FTCD: variants seen among roughly 807,000 people sequenced by gnomAD.
The protein encoded by FTCD is formimidoyltransferase cyclodeaminase, also known as formimidoyltransferase-cyclodeaminase.
A neutral mutation model predicts 62.9 loss-of-function variants in FTCD; 76 were observed. The observed-to-expected ratio is 1.21, with a 90% CI of 1.00 to 1.46. FTCD has a LOEUF of 1.46. FTCD is among the 40% of genes most tolerant of loss of function. The pLI is 0.00. For missense variants in FTCD, 845 were observed against 751.3 expected (o/e 1.12, Z -1.46); for synonymous variants, 397 against 336.9 (o/e 1.18, Z -1.95).
At chr21:46,136,714 C>A (rs543045448), downstream of FTCD, 540 of 1,475,086 alleles carry the variant, frequency 3.7e-4, no homozygotes, top group Admixed American at 5.6e-4. Flanking sequence ...ATGTCCTGCT[C>A]CTGCCCCAAG....
In FTCD at chr21:46,140,319, C is replaced by T. The variant is rs534919993; in HGVS notation, c.1261-1396G>A. Among the ~76,000 whole-genome samples the T allele has an allele frequency of 9.4e-5, 14 of 148,534 alleles. No individual in the cohort carries two copies. In the South Asian group the frequency reaches 1.3e-3, roughly 14 times the overall value. On this transcript the variant is annotated intron_variant, in intron 10 of 13. Transcript: ENST00000397746. ...AAATCAACCCAGCCCTCCCCGTCCACCTTCGCATTGCTCAGAGGGAGTGTA... is the reference window on the plus strand; with the variant it reads ...AAATCAACCCAGCCCTCCCCGTCCATCTTCGCATTGCTCAGAGGGAGTGTA...
chr21:46,154,605 CGACA>C (rs1204461920), intron 1 of FTCD, among the ~76,000 whole-genome samples: 2 of 152,244 alleles, frequency 1.3e-5, no homozygotes, highest in East Asian at 1.9e-4. Context: ...GGCTCTGCTC[CGACA>C]GACAGATGCC....
intron 10 of FTCD, among the ~76,000 whole-genome samples, chr21:46,141,588 T>C (rs887451645): frequency 2.1e-4 from 32 of 152,052 alleles, no homozygotes; most frequent in African/African-American, 7.0e-4. Context: ...CCAAAAAATA[T>C]AAAGTCAGGA....
rs759300088 is a variant in FTCD at position 46,150,346 on chromosome 21, C to T, written c.774+42G>A. The T allele has an allele frequency of 3.0e-5, 48 of 1,607,154 alleles. 1 individual carries two copies. The Middle Eastern group carries it at 4.9e-4, about 17-fold the overall frequency. On this transcript the variant is annotated intron_variant, in intron 6 of 13. Coordinates refer to ENST00000397746, the MANE Select transcript of FTCD (RefSeq NM_206965.2). ...CCCCCGCCCTGCCCACGGGACAGAT[C>T]GGCTCGCCCCTCACAGCAGCAGCGG...
At chr21:46,150,343 G>T (rs373378495) in intron 6 of FTCD, 45 bp downstream of exon 6, 2 of 1,611,668 alleles carry the variant, frequency 1.2e-6, no homozygotes, top group Non-Finnish European at 8.5e-7. Flanking sequence ...CCACGGGACA[G>T]ATCGGCTCGC....
rs1461161886 is a variant in FTCD at position 46,150,225 on chromosome 21, G to C, written c.800C>G (p.Ser267Ter). 1 of 1,609,832 alleles carries C rather than the reference G, an allele frequency of 6.2e-7. No homozygotes were observed. Among genetic ancestry groups the C allele is most frequent in the East Asian group, 2.2e-5 (1 of 44,770 alleles). Residue 267 changes from serine to a stop codon, truncating the protein, a stop_gained, in exon 7 of 14, where the codon TCA becomes TGA. Coordinates refer to ENST00000397746, the MANE Select transcript of FTCD (RefSeq NM_206965.2). LOFTEE classifies it high-confidence loss of function. Reference sequence around the variant, plus strand: ...CAGGGGCACCAGGCCCACCAGCTGTGAGCCCACCACTGGGAGGCTCAGCTC... The same window carrying C: ...CAGGGGCACCAGGCCCACCAGCTGTCAGCCCACCACTGGGAGGCTCAGCTC... The part of the protein sequence containing the change: ...AQELSLPVVG[S>*]QLVGLVPLKA...
rs116089237 is a variant in FTCD at position 46,151,896 on chromosome 21, T to A, written c.452A>T (p.Lys151Met). 7,166 of 1,562,368 alleles carry A rather than the reference T, an allele frequency of 4.6e-3. 260 individuals are homozygous for A. The African/African-American group carries it at 0.081, about 18-fold the overall frequency. Residue 151 changes from lysine to methionine, a missense_variant, in exon 4 of 14, where the codon AAG (lysine) becomes ATG (methionine). Lys to Met is a moderately conservative substitution (Grantham distance 95). Coordinates refer to ENST00000397746, the MANE Select transcript of FTCD (RefSeq NM_206965.2). ...GACCGCCCGGGGTGGGGGCACCTTC[T>A]TAGGGAGGGCCTCGTACTCCCCGGC... ...IRAGEYEALP[K>M]KLQQADWAPD...
In FTCD at chr21:46,138,908, G is replaced by A; in HGVS notation, c.1276C>T (p.Pro426Ser). 6.2e-7 allele frequency: 1 copy of A among 1,613,234 alleles called. No individual in the cohort carries two copies. The highest frequency in any genetic ancestry group is 8.5e-7 in the Non-Finnish European group (1 of 1,179,388). ...FTAYLEAMRL[P>S]KNTPEEKDRR... ...TCCTTTTCCTCAGGTGTGTTCTTGGGGAGCCTCATTGCTTCCTGCCATAAA... is the reference window on the plus strand; with the variant it reads ...TCCTTTTCCTCAGGTGTGTTCTTGGAGAGCCTCATTGCTTCCTGCCATAAA... Residue 426 changes from proline (P) to serine (S), a missense_variant, in exon 11 of 14, where the codon CCC becomes TCC. Transcript: ENST00000397746.
chr21:46,138,960 G>A (rs780881499), intron 10 of FTCD, 37 bp from the exon 11 acceptor site: 110 of 1,556,386 alleles, frequency 7.1e-5, no homozygotes, highest in Non-Finnish European at 7.7e-5. Context: ...GCGAGGGACC[G>A]TAGGGGGAGC....
At chr21:46,143,176 C>T (rs2079058076) in intron 10 of FTCD, among the ~76,000 whole-genome samples, 1 of 152,170 alleles carries the variant, frequency 6.6e-6, no homozygotes, top group South Asian at 2.1e-4. Context: ...CCTTTCTCAC[C>T]CAGCCTTGTA....
Position 46,136,863 on chromosome 21 carries a change from GC to G in FTCD, c.*123del. ...CGCCTCCATTCCCAGGCGATGCCCC[GC>G]TGCCTGCCCACCTACCCTCCGGGCC... On this transcript the variant is annotated 3_prime_UTR_variant, in exon 14 of 14. Coordinates refer to ENST00000397746, the MANE Select transcript of FTCD (RefSeq NM_206965.2). The G allele has an allele frequency of 6.4e-7, 1 of 1,558,500 alleles. No homozygotes were observed. The highest frequency in any genetic ancestry group is 8.7e-7 in the Non-Finnish European group (1 of 1,151,756).
Position 46,151,988 on chromosome 21 carries a change from A to G in FTCD, c.368-8T>C. The G allele has an allele frequency of 6.4e-7, 1 of 1,556,716 alleles. No individual in the cohort carries two copies. The highest frequency in any genetic ancestry group is 8.7e-7 in the Non-Finnish European group (1 of 1,150,076). On this transcript the variant is annotated splice_region_variant and splice_polypyrimidine_tract_variant and intron_variant, in intron 3 of 13. Coordinates refer to ENST00000397746, the MANE Select transcript of FTCD (RefSeq NM_206965.2). ...CCTCGCCGTACAGGTAAACTGCAGGAGAGCCCGGCGGTCAGGCCTGGACCG... is the reference window on the plus strand; with the variant it reads ...CCTCGCCGTACAGGTAAACTGCAGGGGAGCCCGGCGGTCAGGCCTGGACCG...
intron 1 of FTCD, 50 bp from the exon 2 acceptor site, chr21:46,154,382 G>A: frequency 6.4e-7 from 1 of 1,571,568 alleles, no homozygotes; most frequent in South Asian, 1.2e-5. Flanking sequence ...TTTGAAAGAA[G>A]GAAAAGGAGC....
At chr21:46,141,635 G>C (rs532194302) in intron 10 of FTCD, among the ~76,000 whole-genome samples, 1 of 151,870 alleles carries the variant, frequency 6.6e-6, no homozygotes, top group South Asian at 2.1e-4. Context: ...AAGAGTCATT[G>C]TCAGAAGCCC....
chr21:46,141,803 G>A (rs1197962822), intron 10 of FTCD, among the ~76,000 whole-genome samples: 1 of 152,162 alleles, frequency 6.6e-6, no homozygotes, highest in Non-Finnish European at 1.5e-5. Context: ...ATAACTTCCT[G>A]GAAAAGAAGT....
Position 46,154,222 on chromosome 21 carries a change from C to A in FTCD, c.165G>T (p.Pro55=), listed in dbSNP as rs143451664. 9.9e-6 allele frequency: 16 copies of A among 1,612,838 alleles called. No homozygotes were observed. Among genetic ancestry groups the A allele is most frequent in the Non-Finnish European group, 1.4e-5 (16 of 1,179,988 alleles). Residue 55 remains proline (P), a synonymous_variant, in exon 2 of 14, where the codon CCG becomes CCT. Coordinates refer to ENST00000397746, the MANE Select transcript of FTCD (RefSeq NM_206965.2). The stretch of plus-strand genomic sequence containing the variant: ...TGAGGGCCCCCTCCACCACGCACTC[C>A]GGCGGCCCCACGAAGGTGTACACGG... ...NRTVYTFVGP[P]ECVVEGALNA...
chr21:46,136,383 T>G (rs886057172), downstream of FTCD: 73 of 1,546,006 alleles, frequency 4.7e-5, no homozygotes, highest in African/African-American at 9.2e-4. Context: ...GGACGGGAAC[T>G]GAGGACAGGG....
chr21:46,137,788 G>A (rs1223033816), intron 12 of FTCD, among the ~76,000 whole-genome samples: 2 of 152,178 alleles, frequency 1.3e-5, no homozygotes, highest in African/African-American at 4.8e-5. Flanking sequence ...GGCAGCTGCA[G>A]AAAGTGCTGA....
chr21:46,139,108 A>AGG, intron 10 of FTCD, 185 bp from the exon 11 acceptor site: 1 of 489,146 alleles, frequency 2.0e-6, no homozygotes, highest in Non-Finnish European at 3.9e-6. Context: ...GGAGCAGGGT[A>AGG]GGGGGGGTCG....
Sources: allele counts gnomAD v4.1 joint callset (sites outside exome capture counted in the v4.1 genomes callset), GRCh38; gene constraint gnomAD v4.1.1; transcripts MANE v1.5; gene names NCBI Gene and HGNC (gene_info 2026-07-23, HGNC 2026-07-21).